The following COL5A2 variants were observed in gnomAD, a reference collection of about 807,000 sequenced individuals.
The protein encoded by COL5A2 is collagen type V alpha 2 chain.
Under a neutral mutation model 208.2 loss-of-function variants are expected in COL5A2, and 23 were observed. The ratio of observed to expected loss-of-function variants is 0.11; its 90% CI spans 0.08 to 0.16. The LOEUF is 0.16. COL5A2 is among the 10% of genes least tolerant of loss of function. COL5A2 has a pLI of 1.00. For synonymous variants in COL5A2, 625 were observed against 628.5 expected (o/e 0.99, Z 0.08); for missense variants, 1,590 against 1,956.4 (o/e 0.81, Z 3.53).
chr2:189,308,032 T>C, the COL5A2 span, among the ~76,000 whole-genome samples: 1 of 152,182 alleles, frequency 6.6e-6, no homozygotes, highest in Non-Finnish European at 1.5e-5. Context: ...CCCTGAATTC[T>C]TTCTTGTGTG....
the COL5A2 span, among the ~76,000 whole-genome samples, chr2:189,420,250 G>A: frequency 6.6e-6 from 1 of 152,236 alleles, no homozygotes; most frequent in East Asian, 1.9e-4. Flanking sequence ...AGTATTAATG[G>A]ATAATGGAGA....
chr2:189,418,723 T>C, the COL5A2 span, among the ~76,000 whole-genome samples: 1 of 152,208 alleles, frequency 6.6e-6, no homozygotes, highest in African/African-American at 2.4e-5. Flanking sequence ...AAATGGCCAC[T>C]TGATCCTTTT....
intron 16 of COL5A2, among the ~76,000 whole-genome samples, chr2:189,075,801 A>G (rs552585634): frequency 6.6e-6 from 1 of 152,360 alleles, no homozygotes; most frequent in South Asian, 2.1e-4. Context: ...ATGTCCAGAA[A>G]ATAAAATACA....
upstream of COL5A2, among the ~76,000 whole-genome samples, chr2:189,182,843 C>T (rs1256627284): frequency 6.6e-6 from 1 of 152,164 alleles, no homozygotes; most frequent in African/African-American, 2.4e-5. Context: ...TCTCAGCGCC[C>T]TTTCAGGGAT....
At chr2:189,046,540 T>C (rs1252262702) in intron 45 of COL5A2, among the ~76,000 whole-genome samples, 1 of 152,086 alleles carries the variant, frequency 6.6e-6, no homozygotes, top group Non-Finnish European at 1.5e-5. Context: ...ATTTGGAAAA[T>C]AAAGAGGCTC....
chr2:189,288,206 AT>A, the COL5A2 span, among the ~76,000 whole-genome samples: 1 of 152,220 alleles, frequency 6.6e-6, no homozygotes, highest in Non-Finnish European at 1.5e-5. Flanking sequence ...TCAGCATGTT[AT>A]AACAAGTTTA....
At chr2:189,139,690 T>G (rs956154434) in intron 1 of COL5A2, among the ~76,000 whole-genome samples, 1 of 152,210 alleles carries the variant, frequency 6.6e-6, no homozygotes, top group Non-Finnish European at 1.5e-5. Flanking sequence ...GAGGGAAAAT[T>G]GGGTCTAGAT....
chr2:189,282,878 T>C, the COL5A2 span, among the ~76,000 whole-genome samples: 3 of 152,148 alleles, frequency 2.0e-5, no homozygotes, highest in African/African-American at 7.2e-5. Context: ...ACTCTAGAAA[T>C]ACTTAAATTC....
chr2:189,396,705 C>T, the COL5A2 span, among the ~76,000 whole-genome samples: 13 of 142,252 alleles, frequency 9.1e-5, no homozygotes, highest in South Asian at 2.5e-3. Context: ...TAAATGAGGC[C>T]GGGCGCGGTG....
At chr2:189,437,431 G>C in the COL5A2 span, among the ~76,000 whole-genome samples, 1 of 152,264 alleles carries the variant, frequency 6.6e-6, no homozygotes, top group African/African-American at 2.4e-5. Flanking sequence ...TGCTGTTGCT[G>C]GTCCACGGAC....
At chr2:189,180,005 AT>A (rs979027971), upstream of COL5A2, 1 of 399,550 alleles carries the variant, frequency 2.5e-6, no homozygotes, top group African/African-American at 2.0e-5. Context: ...CTTTTCTTTT[AT>A]TTTTTAAGAA....
At position 189,075,131 on chromosome 2, in the gene COL5A2, C is replaced by T. The variant is rs534937228; in HGVS notation, c.1104+262G>A. Among the ~76,000 whole-genome samples, 4 of 152,244 alleles carry T rather than the reference C, an allele frequency of 2.6e-5. No homozygotes were observed. In the East Asian group the frequency reaches 7.7e-4, roughly 29 times the overall value. ...TCTTGCCCATTTTATATATTAAATA[C>T]TTATCTTTCAGGACTTGGCTTGAAA... On this transcript the variant is annotated intron_variant, in intron 17 of 53. Transcript: ENST00000374866.
chr2:189,285,692 T>C, the COL5A2 span, among the ~76,000 whole-genome samples: 1 of 152,156 alleles, frequency 6.6e-6, no homozygotes, highest in Non-Finnish European at 1.5e-5. Flanking sequence ...AGGCATAATT[T>C]CTGACTGATA....
the COL5A2 span, among the ~76,000 whole-genome samples, chr2:189,379,667 G>A: frequency 6.6e-6 from 1 of 152,100 alleles, no homozygotes; most frequent in Admixed American, 6.6e-5. Context: ...CTATAAATAT[G>A]AAGCAACCAA....
chr2:189,403,961 G>A, the COL5A2 span, among the ~76,000 whole-genome samples: 1 of 152,100 alleles, frequency 6.6e-6, no homozygotes, highest in Non-Finnish European at 1.5e-5. Flanking sequence ...TCAATCTCCT[G>A]ACCTCGTGAT....
chr2:189,312,157 G>T, the COL5A2 span, among the ~76,000 whole-genome samples: 1 of 152,152 alleles, frequency 6.6e-6, no homozygotes, highest in Non-Finnish European at 1.5e-5. Flanking sequence ...TTGAAGTAAT[G>T]ACTCCAGTCT....
intron 1 of COL5A2, among the ~76,000 whole-genome samples, chr2:189,141,239 T>A (rs1224561880): frequency 1.3e-5 from 2 of 152,112 alleles, no homozygotes; most frequent in Non-Finnish European, 2.9e-5. Flanking sequence ...CATTGGTGAA[T>A]TAATATGCGT....
intron 51 of COL5A2, 62 bp from the exon 52 acceptor site, chr2:189,036,865 C>A: frequency 7.9e-7 from 1 of 1,258,906 alleles, no homozygotes; most frequent in Non-Finnish European, 1.1e-6. Flanking sequence ...TATAAGTCTC[C>A]AAAAGAATTA....
the COL5A2 span, among the ~76,000 whole-genome samples, chr2:189,425,665 T>C: frequency 2.6e-5 from 4 of 152,154 alleles, no homozygotes; most frequent in Non-Finnish European, 5.9e-5. Context: ...TGAAATGTAA[T>C]CCCCAGTGCT....
Sources: gnomAD v4.1 joint callset for allele counts (sites outside exome capture counted in the v4.1 genomes callset) on GRCh38, gnomAD v4.1.1 for gene constraint, MANE v1.5 for transcripts, NCBI Gene and HGNC (gene_info 2026-07-23, HGNC 2026-07-21) for gene names.